DTNB: variants seen among roughly 807,000 people sequenced by gnomAD.
The protein encoded by DTNB is DTN-B.
DTNB carries 63 observed loss-of-function variants against 90.7 expected under a neutral mutation model. The ratio of observed to expected loss-of-function variants is 0.69; its 90% CI spans 0.57 to 0.86. DTNB has a LOEUF of 0.86. Ranked by LOEUF, DTNB falls within the 40% of genes least tolerant of loss-of-function variation. The pLI is 0.00. For synonymous variants in DTNB, 277 were observed against 286.7 expected (o/e 0.97, Z 0.34); for missense variants, 744 against 807.1 (o/e 0.92, Z 0.95).
intron 5 of DTNB, among the ~76,000 whole-genome samples, chr2:25,604,155 G>A (rs1159196857): frequency 6.6e-6 from 1 of 152,004 alleles, no homozygotes; most frequent in African/African-American, 2.4e-5. Context: ...ATATTTGCCA[G>A]TGATAAAGGA....
intron 12 of DTNB, among the ~76,000 whole-genome samples, chr2:25,441,674 C>T (rs1254989543): frequency 1.3e-5 from 2 of 152,204 alleles, no homozygotes; most frequent in Non-Finnish European, 2.9e-5. Context: ...TTCTTGATCA[C>T]CTCTGAAGTA....
chr2:25,633,997 G>T (rs1230686663), intron 3 of DTNB, among the ~76,000 whole-genome samples: 4 of 151,712 alleles, frequency 2.6e-5, no homozygotes, highest in Non-Finnish European at 5.9e-5. Context: ...TCAGAGAAGT[G>T]AGGAGCCCCT....
At chr2:25,545,944 C>T (rs993020330) in intron 8 of DTNB, among the ~76,000 whole-genome samples, 58 of 152,256 alleles carry the variant, frequency 3.8e-4, no homozygotes, top group African/African-American at 1.3e-3. Context: ...TTTTAACTTG[C>T]GAACCCTGAA....
At chr2:25,627,359 C>T (rs1023035878) in intron 4 of DTNB, among the ~76,000 whole-genome samples, 1 of 151,636 alleles carries the variant, frequency 6.6e-6, no homozygotes, top group Non-Finnish European at 1.5e-5. Context: ...TAGTGGTGAG[C>T]CGAGCTTGCA....
intron 12 of DTNB, among the ~76,000 whole-genome samples, chr2:25,435,936 A>G (rs865903659): frequency 1.2e-4 from 19 of 152,162 alleles, no homozygotes; most frequent in African/African-American, 4.3e-4. Context: ...TAGTATGTTG[A>G]GCGTACTTTC....
intron 12 of DTNB, among the ~76,000 whole-genome samples, chr2:25,446,182 T>C (rs1387855416): frequency 6.6e-6 from 1 of 152,274 alleles, no homozygotes; most frequent in South Asian, 2.1e-4. Context: ...TCTGTTTTTA[T>C]AAGGAAAATT....
intron 10 of DTNB, among the ~76,000 whole-genome samples, chr2:25,471,146 G>A (rs2062730003): frequency 6.6e-6 from 1 of 152,156 alleles, no homozygotes; most frequent in African/African-American, 2.4e-5. Flanking sequence ...TCCCATGAGG[G>A]CGTGTGAGAG....
At chr2:25,482,696 C>G in intron 10 of DTNB, 100 bp downstream of exon 10, 1 of 1,171,458 alleles carries the variant, frequency 8.5e-7, no homozygotes, top group Admixed American at 1.8e-5. Flanking sequence ...TCCTTTCTGC[C>G]CTGTGGAACA....
chr2:25,611,213 C>T (rs1006268985), intron 4 of DTNB, among the ~76,000 whole-genome samples: 2 of 152,162 alleles, frequency 1.3e-5, no homozygotes, highest in Non-Finnish European at 2.9e-5. Flanking sequence ...TGCATTTTAT[C>T]CATTCTCTTA....
intron 8 of DTNB, among the ~76,000 whole-genome samples, chr2:25,559,979 T>TG (rs2058006665): frequency 6.6e-6 from 1 of 152,232 alleles, no homozygotes; most frequent in African/African-American, 2.4e-5. Context: ...GCGTGGTGGG[T>TG]GGCTCACGCC....
chr2:25,484,933 G>C (rs1297811799), intron 9 of DTNB, among the ~76,000 whole-genome samples: 1 of 152,186 alleles, frequency 6.6e-6, no homozygotes, highest in Non-Finnish European at 1.5e-5. Flanking sequence ...ACAGAGATTA[G>C]CTTGTATTTA....
At chr2:25,552,754 C>G (rs1424567923) in intron 8 of DTNB, among the ~76,000 whole-genome samples, 1 of 151,924 alleles carries the variant, frequency 6.6e-6, no homozygotes, top group African/African-American at 2.4e-5. Context: ...AGGTGCCCTC[C>G]GTCTACCACT....
intron 6 of DTNB, chr2:25,594,898 T>C (rs1020589686): frequency 3.9e-5 from 6 of 152,372 alleles, no homozygotes; most frequent in African/African-American, 1.4e-4. Context: ...ATCCAGTCTA[T>C]AAACTTTATT....
chr2:25,599,559 T>C (rs2065398234), intron 5 of DTNB, among the ~76,000 whole-genome samples: 1 of 151,972 alleles, frequency 6.6e-6, no homozygotes, highest in Non-Finnish European at 1.5e-5. Context: ...GCCAGGATGG[T>C]CTCAATCTCC....
chr2:25,670,606 G>A (rs554170506), intron 1 of DTNB, among the ~76,000 whole-genome samples: 1 of 152,310 alleles, frequency 6.6e-6, no homozygotes, highest in South Asian at 2.1e-4. Context: ...CAGCTGCCAG[G>A]CACAAGGACT....
chr2:25,644,368 A>G (rs979069590), intron 2 of DTNB, among the ~76,000 whole-genome samples: 2 of 152,204 alleles, frequency 1.3e-5, no homozygotes, highest in African/African-American at 4.8e-5. Context: ...GGAGAGGAGG[A>G]AAAAAGGAAG....
At chr2:25,588,018 C>G (rs1572993410) in intron 6 of DTNB, among the ~76,000 whole-genome samples, 1 of 152,136 alleles carries the variant, frequency 6.6e-6, no homozygotes, top group South Asian at 2.1e-4. Context: ...TCTTGATGAA[C>G]TGAAATTCCT....
At chr2:25,513,744 A>G (rs1156268788) in intron 9 of DTNB, among the ~76,000 whole-genome samples, 3 of 151,128 alleles carry the variant, frequency 2.0e-5, no homozygotes, top group Non-Finnish European at 3.0e-5. Context: ...AAACAAAACA[A>G]AACAACCAAA....
chr2:25,558,286 GATAAA>G, intron 8 of DTNB: 1 of 985,402 alleles, frequency 1.0e-6, no homozygotes, highest in Non-Finnish European at 1.2e-6. Context: ...AATAATCACT[GATAAA>G]TTTGAGTTAA....
Sources: gnomAD v4.1 joint callset for allele counts (sites outside exome capture counted in the v4.1 genomes callset) on GRCh38, gnomAD v4.1.1 for gene constraint, MANE v1.5 for transcripts, NCBI Gene and HGNC (gene_info 2026-07-23, HGNC 2026-07-21) for gene names.